Variants in TDRD3 observed in about 807,000 individuals in gnomAD.
TDRD3 encodes tudor domain-containing protein 3.
Under a neutral mutation model 86.7 loss-of-function variants are expected in TDRD3, and 45 were observed. The observed-to-expected ratio is 0.52, with a 90% CI of 0.41 to 0.67. The LOEUF (loss-of-function observed/expected upper bound fraction) is 0.67, where lower values mean the gene tolerates loss of function less well. TDRD3 is among the 30% of genes least tolerant of loss of function. The pLI, the probability that TDRD3 is intolerant of heterozygous loss-of-function variation, is 0.00. For synonymous variants in TDRD3, 298 were observed against 301.7 expected (o/e 0.99, Z 0.13); for missense variants, 814 against 889.0 (o/e 0.92, Z 1.07).
chr13:60,559,692 A>T (rs1007097254), intron 12 of TDRD3, among the ~76,000 whole-genome samples: 2 of 152,194 alleles, frequency 1.3e-5, no homozygotes, highest in Non-Finnish European at 2.9e-5. Flanking sequence ...AAAATAGTCA[A>T]ACTCATAGAA....
intron 1 of TDRD3, among the ~76,000 whole-genome samples, chr13:60,412,545 C>A (rs1417796251): frequency 6.6e-6 from 1 of 151,992 alleles, no homozygotes; most frequent in African/African-American, 2.4e-5. Context: ...TTTAATCATG[C>A]TGATAACTAG....
intron 12 of TDRD3, among the ~76,000 whole-genome samples, chr13:60,564,067 C>T (rs894486326): frequency 6.6e-6 from 1 of 151,998 alleles, no homozygotes; most frequent in Non-Finnish European, 1.5e-5. Context: ...TAAGAAGGAG[C>T]AATAAACTAG....
At chr13:60,488,420 G>T (rs1956498570) in intron 7 of TDRD3, among the ~76,000 whole-genome samples, 1 of 152,054 alleles carries the variant, frequency 6.6e-6, no homozygotes, top group East Asian at 1.9e-4. Flanking sequence ...GTCAATTTCT[G>T]TTTATACAAA....
chr13:60,437,209 C>T (rs1207631923), intron 1 of TDRD3, among the ~76,000 whole-genome samples: 2 of 147,132 alleles, frequency 1.4e-5, no homozygotes, highest in African/African-American at 5.0e-5. Context: ...TCACTGCAAC[C>T]TCTGCCTCCC....
intron 3 of TDRD3, among the ~76,000 whole-genome samples, chr13:60,449,803 C>T (rs1955493980): frequency 6.6e-6 from 1 of 152,026 alleles, no homozygotes; most frequent in African/African-American, 2.4e-5. Context: ...TATTTACTTT[C>T]CACTTAAACT....
At chr13:60,500,953 G>A (rs1956817199) in intron 8 of TDRD3, among the ~76,000 whole-genome samples, 1 of 152,122 alleles carries the variant, frequency 6.6e-6, no homozygotes, top group Non-Finnish European at 1.5e-5. Flanking sequence ...GAACAAAGTG[G>A]CCATGGTGGG....
At position 60,529,009 on chromosome 13, in the gene TDRD3, T is replaced by C; in HGVS notation, c.1784T>C (p.Leu595Pro). 1.2e-6 allele frequency: 2 copies of C among 1,614,058 alleles called. No individual in the cohort carries two copies. The highest frequency in any genetic ancestry group is 1.7e-6 in the Non-Finnish European group (2 of 1,179,964). Residue 595 changes from leucine (L) to proline (P), a missense_variant, in exon 11 of 14, where the codon CTG becomes CCG. Transcript: ENST00000377881. ...GVPNGEVEMP[L>P]KGRRIGPIKP... The stretch of plus-strand genomic sequence containing the variant: ...CCAAATGGAGAAGTAGAAATGCCAC[T>C]GAAAGGAAGACGAATAGGACCTATT...
At chr13:60,561,022 C>T (rs1958320274) in intron 12 of TDRD3, among the ~76,000 whole-genome samples, 1 of 152,076 alleles carries the variant, frequency 6.6e-6, no homozygotes, top group South Asian at 2.1e-4. Flanking sequence ...CTTAGAGCTG[C>T]TCTGGAGGGA....
chr13:60,443,218 T>C (rs1176702547), intron 2 of TDRD3, among the ~76,000 whole-genome samples: 1 of 152,032 alleles, frequency 6.6e-6, no homozygotes, highest in African/African-American at 2.4e-5. Flanking sequence ...CATCTATTAA[T>C]GTTTAATTAT....
chr13:60,416,831 C>T (rs901229477), intron 1 of TDRD3, among the ~76,000 whole-genome samples: 6 of 152,090 alleles, frequency 3.9e-5, no homozygotes, highest in Non-Finnish European at 8.8e-5. Flanking sequence ...TTCCTTGTCT[C>T]CCCTAACACT....
chr13:60,454,145 G>A (rs1055759227), intron 3 of TDRD3, among the ~76,000 whole-genome samples: 4 of 151,802 alleles, frequency 2.6e-5, no homozygotes, highest in Admixed American at 2.6e-4. Flanking sequence ...GTTTGTTTTG[G>A]TTACGGATTT....
chr13:60,420,875 C>T (rs748769023), intron 1 of TDRD3, among the ~76,000 whole-genome samples: 5 of 152,154 alleles, frequency 3.3e-5, no homozygotes, highest in South Asian at 4.2e-4. Context: ...ACCCAGGAGG[C>T]GGAGCTTGCA....
chr13:60,555,100 C>T (rs1410361435), intron 12 of TDRD3, among the ~76,000 whole-genome samples: 1 of 152,024 alleles, frequency 6.6e-6, no homozygotes, highest in Non-Finnish European at 1.5e-5. Context: ...ACCATACTCC[C>T]ATCAAAAATG....
intron 10 of TDRD3, among the ~76,000 whole-genome samples, chr13:60,512,829 C>T (rs575103467): frequency 2.6e-5 from 4 of 152,258 alleles, no homozygotes; most frequent in Non-Finnish European, 4.4e-5. Flanking sequence ...AATGGGCTGG[C>T]GAGGAGTGTC....
chr13:60,455,094 G>A (rs1955636359), intron 3 of TDRD3, among the ~76,000 whole-genome samples: 1 of 152,010 alleles, frequency 6.6e-6, no homozygotes, highest in African/African-American at 2.4e-5. Flanking sequence ...TGTATTTTTA[G>A]TAGAGACGGG....
intron 7 of TDRD3, among the ~76,000 whole-genome samples, chr13:60,493,838 A>G (rs1210679296): frequency 6.6e-6 from 1 of 152,228 alleles, no homozygotes; most frequent in Non-Finnish European, 1.5e-5. Context: ...TCAAATTTTC[A>G]AATTTAATGT....
intron 13 of TDRD3, among the ~76,000 whole-genome samples, chr13:60,572,377 G>GC (rs1958606611): frequency 1.3e-5 from 2 of 152,230 alleles, no homozygotes; most frequent in Non-Finnish European, 2.9e-5. Context: ...TTTTGATTAA[G>GC]AGAGTGATAT....
chr13:60,448,445 T>G (rs965583723), intron 3 of TDRD3, among the ~76,000 whole-genome samples: 3 of 152,184 alleles, frequency 2.0e-5, no homozygotes, highest in Admixed American at 2.0e-4. Context: ...TCTTTTCTCT[T>G]TCTTCCATTC....
intron 13 of TDRD3, among the ~76,000 whole-genome samples, chr13:60,570,515 C>A (rs1033259673): frequency 6.6e-6 from 1 of 152,200 alleles, no homozygotes; most frequent in Non-Finnish European, 1.5e-5. Flanking sequence ...CCTAAAAAAA[C>A]TGAAAATAGA....
Sources: allele counts gnomAD v4.1 joint callset (sites outside exome capture counted in the v4.1 genomes callset), GRCh38; gene constraint gnomAD v4.1.1; transcripts MANE v1.5; gene names NCBI Gene and HGNC (gene_info 2026-07-23, HGNC 2026-07-21).